Variants in ZNF569 observed in about 807,000 individuals in gnomAD.
The protein encoded by ZNF569 is zinc finger protein 569.
Under a neutral mutation model 56.3 loss-of-function variants are expected in ZNF569, and 38 were observed. The observed-to-expected ratio is 0.68, with a 90% CI of 0.52 to 0.88. The LOEUF is 0.88. Ranked by LOEUF, ZNF569 falls within the 40% of genes least tolerant of loss-of-function variation. The pLI is 0.00. For missense variants in ZNF569, 666 were observed against 809.2 expected (o/e 0.82, Z 2.15); for synonymous variants, 241 against 262.9 (o/e 0.92, Z 0.81).
upstream of ZNF569, among the ~76,000 whole-genome samples, chr19:37,468,407 G>A (rs952929124): frequency 1.3e-5 from 2 of 152,278 alleles, no homozygotes; most frequent in Admixed American, 1.3e-4. Flanking sequence ...CTTTAATAAA[G>A]AGATAATAGG....
At chr19:37,451,171 A>AGGCAGATCACCTGAGGTC (rs2041585274) in intron 2 of ZNF569, among the ~76,000 whole-genome samples, 2 of 152,040 alleles carry the variant, frequency 1.3e-5, no homozygotes, top group African/African-American at 2.4e-5. Flanking sequence ...AGGCTGAGGC[A>AGGCAGATCACCTGAGGTC]GGCAGATCAC....
At chr19:37,454,649 G>C (rs1002676338) in intron 2 of ZNF569, among the ~76,000 whole-genome samples, 4 of 152,066 alleles carry the variant, frequency 2.6e-5, no homozygotes, top group Non-Finnish European at 4.4e-5. Flanking sequence ...ACAAGGAAAG[G>C]CTTCTCAGGA....
At chr19:37,451,472 A>G (rs1263505438) in intron 2 of ZNF569, among the ~76,000 whole-genome samples, 1 of 151,722 alleles carries the variant, frequency 6.6e-6, no homozygotes, top group Non-Finnish European at 1.5e-5. Context: ...TTCAAGTCAA[A>G]TGTTTCCTTA....
intron 2 of ZNF569, among the ~76,000 whole-genome samples, chr19:37,445,180 G>A (rs1464068919): frequency 1.3e-5 from 2 of 152,264 alleles, no homozygotes; most frequent in East Asian, 1.9e-4. Flanking sequence ...ACAGGGGTGC[G>A]TATGTGGGAG....
Position 37,414,010 on chromosome 19 carries a change from A to C in ZNF569, c.648T>G (p.Cys216Trp), listed in dbSNP as rs763651392. Residue 216 changes from cysteine to tryptophan, a missense_variant, in exon 6 of 6, where the codon TGT (cysteine) becomes TGG (tryptophan). Cys to Trp is a radical substitution (Grantham distance 215, BLOSUM62 -2). Coordinates refer to ENST00000316950, the MANE Select transcript of ZNF569 (RefSeq NM_152484.3). ...RIHTGEKPYE[C>W]SNCRKAFSHK... ...GACTGAAGGCTTTTCTACAGTTACTACATTCATAGGGCTTCTCTCCAGTAT... is the reference window on the plus strand; with the variant it reads ...GACTGAAGGCTTTTCTACAGTTACTCCATTCATAGGGCTTCTCTCCAGTAT... 26 of 1,613,630 alleles carry C rather than the reference A, an allele frequency of 1.6e-5. No homozygotes were observed. The highest frequency in any genetic ancestry group is 2.1e-5 in the Non-Finnish European group (25 of 1,179,878).
At chr19:37,440,637 A>T (rs1568734832) in intron 3 of ZNF569, among the ~76,000 whole-genome samples, 1 of 152,240 alleles carries the variant, frequency 6.6e-6, no homozygotes, top group Non-Finnish European at 1.5e-5. Flanking sequence ...CTAGCAGACT[A>T]GCCTCATAAG....
chr19:37,449,645 CTCTT>C lies in ZNF569; in HGVS notation c.-43-4685_-43-4682del, dbSNP rs2041559757. On this transcript the variant is annotated intron_variant, in intron 2 of 5. Coordinates refer to ENST00000316950, the MANE Select transcript of ZNF569 (RefSeq NM_152484.3). ...CTTTGTCTAATATTAAAGTTGCTTC[CTCTT>C]TTTTTTTTTTGGTTAGTATTTTGTG... Among the ~76,000 whole-genome samples, 4 of 148,782 alleles carry C rather than the reference CTCTT, an allele frequency of 2.7e-5. No homozygotes were observed. In the South Asian group the frequency reaches 8.6e-4, roughly 32 times the overall value.
chr19:37,443,796 C>A (rs1305425184), intron 3 of ZNF569, among the ~76,000 whole-genome samples: 3 of 149,036 alleles, frequency 2.0e-5, no homozygotes, highest in Non-Finnish European at 3.0e-5. Flanking sequence ...CACTTGAGGT[C>A]AAGAGCTTGA....
intron 5 of ZNF569, among the ~76,000 whole-genome samples, chr19:37,423,270 C>T (rs1166669859): frequency 6.6e-6 from 1 of 152,140 alleles, no homozygotes; most frequent in African/African-American, 2.4e-5. Flanking sequence ...GTCAAGGAAA[C>T]TTCCCTCAGA....
chr19:37,431,697 C>G (rs1292815348), intron 3 of ZNF569: 2 of 152,192 alleles, frequency 1.3e-5, no homozygotes, highest in Non-Finnish European at 2.9e-5. Flanking sequence ...ACCAACTTGG[C>G]CACAATGGGG....
At chr19:37,455,016 G>A in intron 2 of ZNF569, 1 of 562,750 alleles carries the variant, frequency 1.8e-6, no homozygotes, top group Non-Finnish European at 3.1e-6. Context: ...TACGGTAGAA[G>A]TTTGTAGTTT....
intron 4 of ZNF569, 123 bp downstream of exon 4, chr19:37,426,129 C>CA: frequency 1.5e-6 from 2 of 1,337,824 alleles, no homozygotes; most frequent in Non-Finnish European, 2.1e-6. Flanking sequence ...TTCACATGAG[C>CA]AAAAGCATCC....
chr19:37,418,314 T>A (rs115132254), intron 5 of ZNF569, among the ~76,000 whole-genome samples: 1 of 151,814 alleles, frequency 6.6e-6, no homozygotes, highest in South Asian at 2.1e-4. Context: ...GGGGCAAATA[T>A]AGTGACCATA....
At chr19:37,445,060 G>A (rs996458315) in intron 2 of ZNF569, 96 bp from the exon 3 acceptor site, 2 of 895,690 alleles carry the variant, frequency 2.2e-6, no homozygotes, top group African/African-American at 3.4e-5. Context: ...GTAGTGGAAT[G>A]ATAATTAAAT....
chr19:37,440,520 G>C (rs1472879852), intron 3 of ZNF569, among the ~76,000 whole-genome samples: 1 of 152,086 alleles, frequency 6.6e-6, no homozygotes, highest in East Asian at 1.9e-4. Context: ...ATACAACACT[G>C]TGAATGTACT....
intron 3 of ZNF569, among the ~76,000 whole-genome samples, chr19:37,437,614 TAAAC>T (rs1482437599): frequency 2.6e-5 from 4 of 152,138 alleles, no homozygotes; most frequent in Non-Finnish European, 4.4e-5. Flanking sequence ...CCAGAACTGA[TAAAC>T]AAATTCAGTA....
At chr19:37,436,687 T>G (rs2146919188) in intron 3 of ZNF569, among the ~76,000 whole-genome samples, 1 of 152,120 alleles carries the variant, frequency 6.6e-6, no homozygotes, top group South Asian at 2.1e-4. Context: ...GAAGCTACTG[T>G]GAGCAACTAT....
chr19:37,437,137 C>A (rs1416667790), intron 3 of ZNF569, among the ~76,000 whole-genome samples: 1 of 151,854 alleles, frequency 6.6e-6, no homozygotes, highest in African/African-American at 2.4e-5. Flanking sequence ...TACATCATGA[C>A]CAAGTGGGAT....
At chr19:37,449,426 G>A (rs1191104598) in intron 2 of ZNF569, among the ~76,000 whole-genome samples, 1 of 152,124 alleles carries the variant, frequency 6.6e-6, no homozygotes, top group Non-Finnish European at 1.5e-5. Flanking sequence ...ACGCTCTATC[G>A]ATTCCTGAAA....
Sources: allele counts gnomAD v4.1 joint callset (sites outside exome capture counted in the v4.1 genomes callset), GRCh38; gene constraint gnomAD v4.1.1; transcripts MANE v1.5; gene names NCBI Gene and HGNC (gene_info 2026-07-23, HGNC 2026-07-21).